The following CATSPERG variants were observed in gnomAD, a reference collection of about 807,000 sequenced individuals.
CATSPERG encodes the protein catsper channel auxiliary subunit gamma.
A neutral mutation model predicts 145.0 loss-of-function variants in CATSPERG; 115 were observed. That is an observed-to-expected ratio of 0.79 (90% CI 0.68 to 0.93). The LOEUF (loss-of-function observed/expected upper bound fraction) is 0.93. Ranked by LOEUF, CATSPERG falls within the 40% of genes least tolerant of loss-of-function variation. The pLI is 0.00. For synonymous variants in CATSPERG, 588 were observed against 589.0 expected (o/e 1.00, Z 0.02); for missense variants, 1,296 against 1,490.1 (o/e 0.87, Z 2.14).
chr19:38,352,196 C>A, intron 7 of CATSPERG, 65 bp from the exon 8 acceptor site: 1 of 1,492,106 alleles, frequency 6.7e-7, no homozygotes, highest in South Asian at 1.2e-5. Flanking sequence ...AGCTTCCCCG[C>A]AAGGCAGGAC....
chr19:38,352,195 G>A (rs763331703), intron 7 of CATSPERG, 66 bp from the exon 8 acceptor site: 195 of 1,487,228 alleles, frequency 1.3e-4, no homozygotes, highest in Non-Finnish European at 1.5e-4. Flanking sequence ...GAGCTTCCCC[G>A]CAAGGCAGGA....
chr19:38,347,940 CA>C (rs887808428), intron 7 of CATSPERG, among the ~76,000 whole-genome samples: 6,861 of 102,416 alleles, frequency 0.067, 187 homozygotes, highest in African/African-American at 0.11. Context: ...GACTCTGTCT[CA>C]AAAAAAAAAA....
intron 16 of CATSPERG, 68 bp downstream of exon 16, chr19:38,360,911 C>A: frequency 7.6e-7 from 1 of 1,320,212 alleles, no homozygotes; most frequent in Non-Finnish European, 1.1e-6. Context: ...AGCTACCATT[C>A]TTGAGAGAGG....
chr19:38,360,958 A>C (rs573613394), intron 16 of CATSPERG, 115 bp downstream of exon 16: 12 of 852,472 alleles, frequency 1.4e-5, no homozygotes, highest in Admixed American at 1.4e-4. Flanking sequence ...CCTCAGGGCT[A>C]TGATGGCAGG....
At chr19:38,350,995 C>A (rs1356602624) in intron 7 of CATSPERG, among the ~76,000 whole-genome samples, 5 of 151,936 alleles carry the variant, frequency 3.3e-5, no homozygotes, top group Non-Finnish European at 7.4e-5. Context: ...TCTCAAAAAA[C>A]AAACAAACAA....
intron 3 of CATSPERG, among the ~76,000 whole-genome samples, chr19:38,342,971 A>G (rs1039072831): frequency 6.8e-4 from 103 of 151,970 alleles, no homozygotes; most frequent in African/African-American, 2.4e-3. Flanking sequence ...CCCCAAGCTC[A>G]AGGCCCAGAA....
rs1600486433 is a variant in CATSPERG at position 38,367,287 on chromosome 19, G to A, written c.2745G>A (p.Glu915=). 6.2e-7 allele frequency: 1 copy of A among 1,613,140 alleles called. No individual in the cohort carries two copies. The highest frequency in any genetic ancestry group is 1.3e-5 in the African/African-American group (1 of 75,024). Residue 915 remains glutamate, a synonymous_variant, in exon 23 of 29, where the codon GAG becomes GAA. Coordinates refer to ENST00000409235, the MANE Select transcript of CATSPERG (RefSeq NM_021185.5). ...HYFDCVNVNP[E]MPCFLFRDIF... The stretch of plus-strand genomic sequence containing the variant: ...TTGACTGCGTTAACGTGAACCCGGA[G>A]ATGCCCTGCTTTCTCTTCCGGGACA...
intron 7 of CATSPERG, among the ~76,000 whole-genome samples, chr19:38,348,200 C>T (rs563730287): frequency 7.9e-5 from 12 of 152,112 alleles, no homozygotes; most frequent in South Asian, 2.1e-4. Flanking sequence ...GCTCTGTTGC[C>T]GAGGCTGGAG....
rs768411378 is a variant in CATSPERG at position 38,356,829 on chromosome 19, G to C, written c.1283G>C (p.Ser428Thr). Residue 428 changes from serine to threonine, a missense_variant, in exon 11 of 29, where the codon AGT becomes ACT. Transcript: ENST00000409235. Reference sequence around the variant, plus strand: ...GTGGAGAGTGGATATGGTAATGCAAGTAAACGTTTCCAGGTGGTCAGCTAC... The same window carrying C: ...GTGGAGAGTGGATATGGTAATGCAACTAAACGTTTCCAGGTGGTCAGCTAC... ...LLVESGYGNA[S>T]KRFQVVSYNT... is the part of the protein sequence containing the mutation. 3 of 1,614,150 alleles carry C rather than the reference G, an allele frequency of 1.9e-6. No homozygotes were observed. Among genetic ancestry groups the C allele is most frequent in the Non-Finnish European group, 1.7e-6 (2 of 1,180,022 alleles).
intron 11 of CATSPERG, among the ~76,000 whole-genome samples, chr19:38,357,582 C>A (rs1336932145): frequency 6.6e-6 from 1 of 151,732 alleles, no homozygotes; most frequent in Non-Finnish European, 1.5e-5. Context: ...TTTGGGACAC[C>A]AAGGTGGGTG....
In CATSPERG at chr19:38,352,344, C is replaced by T. The variant is rs758257271; in HGVS notation, c.909C>T (p.Thr303=). 55 of 1,551,510 alleles carry T rather than the reference C, an allele frequency of 3.5e-5. No homozygotes were observed. The highest frequency in any genetic ancestry group is 4.4e-5 in the Non-Finnish European group (51 of 1,147,120). ...CCACCATCTATGACACTATTGCCAC[C>T]GAGAGCACCCTCTTCATTCGGCAGA... ...FTATIYDTIA[T]ESTLFIRQNQ... is the part of the protein sequence containing the mutation. The change falls in exon 8 of 29, where the codon ACC becomes ACT. Residue 303 remains threonine (T), a synonymous_variant. Coordinates refer to ENST00000409235, the MANE Select transcript of CATSPERG (RefSeq NM_021185.5).
At chr19:38,354,648 G>C (rs1970210956) in intron 8 of CATSPERG, 62 bp from the exon 9 acceptor site, 3 of 1,571,220 alleles carry the variant, frequency 1.9e-6, no homozygotes, top group Non-Finnish European at 2.6e-6. Flanking sequence ...GGAAATGTGG[G>C]CAGGGGGCAG....
chr19:38,343,682 C>T lies in CATSPERG; in HGVS notation c.427C>T (p.Gln143Ter), dbSNP rs753192715. ...CAACTTCTACCGCTGGAAGATAGAG[C>T]AGCTGCAGATCCAGATGGAGGCTGC... ...PVNFYRWKIEQLQIQMEAAPF... is the reference protein window; with the variant it reads ...PVNFYRWKIE The change falls in exon 4 of 29, where the codon CAG becomes TAG. Residue 143 changes from glutamine to a stop codon, truncating the protein, a stop_gained. Coordinates refer to ENST00000409235, the MANE Select transcript of CATSPERG (RefSeq NM_021185.5). LOFTEE classifies it high-confidence loss of function. 401 of 1,551,270 alleles carry T rather than the reference C, an allele frequency of 2.6e-4. No homozygotes were observed. Among genetic ancestry groups the T allele is most frequent in the Non-Finnish European group, 3.3e-4 (375 of 1,146,970 alleles).
Position 38,367,738 on chromosome 19 carries a change from T to C in CATSPERG, c.2892T>C (p.Ser964=), listed in dbSNP as rs773307967. The change falls in exon 25 of 29, where the codon AGT becomes AGC. Residue 964 remains serine (S), a synonymous_variant. Transcript: ENST00000409235. The stretch of plus-strand genomic sequence containing the variant: ...CACTGGACAGCCTCAAGGACTACAG[T>C]GAGGACGAAATCTACCGCTTCAACA... ...GPTLDSLKDY[S]EDEIYRFNSP... The C allele has an allele frequency of 6.2e-6, 10 of 1,614,086 alleles. No homozygotes were observed. The highest frequency in any genetic ancestry group is 8.5e-6 in the Non-Finnish European group (10 of 1,179,994).
intron 7 of CATSPERG, among the ~76,000 whole-genome samples, chr19:38,347,391 A>C (rs770986739): frequency 5.9e-5 from 9 of 152,248 alleles, no homozygotes; most frequent in East Asian, 3.9e-4. Flanking sequence ...GAAAAACAAA[A>C]AAAAAAAGTT....
At chr19:38,356,271 A>G (rs539345838) in intron 9 of CATSPERG, among the ~76,000 whole-genome samples, 67 of 152,280 alleles carry the variant, frequency 4.4e-4, no homozygotes, top group African/African-American at 1.4e-3. Flanking sequence ...CGTGGGTCAC[A>G]TGGCCAGACC....
chr19:38,344,280 C>G lies in CATSPERG; in HGVS notation c.597-16C>G. ...CACTGGGACCTCACCTGCGCCTATTCTGCACCTGCTGCTAGGTTCCAGATG... is the reference window on the plus strand; with the variant it reads ...CACTGGGACCTCACCTGCGCCTATTGTGCACCTGCTGCTAGGTTCCAGATG... On this transcript the variant is annotated splice_polypyrimidine_tract_variant and intron_variant, in intron 5 of 28. Coordinates refer to ENST00000409235, the MANE Select transcript of CATSPERG (RefSeq NM_021185.5). 6.4e-7 allele frequency: 1 copy of G among 1,551,346 alleles called. No homozygotes were observed.
intron 14 of CATSPERG, 114 bp downstream of exon 14, chr19:38,359,695 C>T (rs1173911376): frequency 2.8e-6 from 4 of 1,448,762 alleles, no homozygotes; most frequent in Non-Finnish European, 3.6e-6. Flanking sequence ...CCTCGGGGAC[C>T]CTGAGAAAGG....
chr19:38,369,845 G>C (rs1308241315), intron 26 of CATSPERG, 127 bp from the exon 27 acceptor site: 2 of 827,970 alleles, frequency 2.4e-6, no homozygotes, highest in Non-Finnish European at 4.2e-6. Flanking sequence ...ATGAAGGAAT[G>C]AATGAGGGAA....
Sources: gnomAD v4.1 joint callset for allele counts (sites outside exome capture counted in the v4.1 genomes callset) on GRCh38, gnomAD v4.1.1 for gene constraint, MANE v1.5 for transcripts, NCBI Gene and HGNC (gene_info 2026-07-23, HGNC 2026-07-21) for gene names.